PARD3: variants seen among roughly 807,000 people sequenced by gnomAD.
PARD3 encodes the protein par-3 family cell polarity regulator, also known as partitioning defective 3 homolog.
A neutral mutation model predicts 155.4 loss-of-function variants in PARD3; 75 were observed. That is an observed-to-expected ratio of 0.48 (90% CI 0.40 to 0.58). The LOEUF is 0.58. PARD3 is among the 20% of genes least tolerant of loss of function. The pLI is 0.00. For missense variants in PARD3, 1,642 were observed against 1,721.7 expected, an observed-to-expected ratio of 0.95 and a Z score of 0.82; for synonymous variants, 576 against 610.5, an observed-to-expected ratio of 0.94 and a Z score of 0.83.
intron 1 of PARD3, among the ~76,000 whole-genome samples, chr10:34,752,592 T>C (rs1403790616): frequency 6.6e-6 from 1 of 151,010 alleles, no homozygotes; most frequent in Admixed American, 6.6e-5. Flanking sequence ...AGACCAGCCA[T>C]GGCACTGTGA....
intron 19 of PARD3, among the ~76,000 whole-genome samples, chr10:34,321,524 C>T (rs1376046906): frequency 2.6e-5 from 4 of 152,146 alleles, no homozygotes; most frequent in Non-Finnish European, 5.9e-5. Flanking sequence ...CTGTTTAAAC[C>T]TGCTCTATGC....
Position 34,704,840 on chromosome 10 carries a change from C to A in PARD3, c.121-8421G>T, listed in dbSNP as rs377370158. The stretch of plus-strand genomic sequence containing the variant: ...TAGCATCCACCAACCAGATTAGCCA[C>A]ATGATAGTTAAGTTAACAAGACAAA... On this transcript the variant is annotated intron_variant, in intron 1 of 24. Coordinates refer to ENST00000374788, the MANE Select transcript of PARD3 (RefSeq NM_001184785.2). Among the ~76,000 whole-genome samples, 115 of 152,290 alleles carry A rather than the reference C, an allele frequency of 7.6e-4. No individual in the cohort carries two copies. The South Asian group carries it at 0.023, about 30-fold the overall frequency.
At chr10:34,597,507 C>T (rs1419720088) in intron 2 of PARD3, among the ~76,000 whole-genome samples, 1 of 152,056 alleles carries the variant, frequency 6.6e-6, no homozygotes, top group Non-Finnish European at 1.5e-5. Context: ...CAGCTCGCTG[C>T]ACCCTCCAAC....
intron 2 of PARD3, among the ~76,000 whole-genome samples, chr10:34,520,435 C>CA (rs926561289): frequency 2.8e-4 from 42 of 151,354 alleles, no homozygotes; most frequent in Non-Finnish European, 2.1e-4. Flanking sequence ...TTAATAGTTA[C>CA]AAAAAAAAGG....
chr10:34,554,437 G>T (rs976910353), intron 2 of PARD3, among the ~76,000 whole-genome samples: 1 of 152,160 alleles, frequency 6.6e-6, no homozygotes, highest in Non-Finnish European at 1.5e-5. Context: ...CTGAATGAGG[G>T]TAGCTTAAGA....
intron 2 of PARD3, among the ~76,000 whole-genome samples, chr10:34,687,435 C>G (rs1029880615): frequency 6.6e-6 from 1 of 152,118 alleles, no homozygotes; most frequent in Non-Finnish European, 1.5e-5. Context: ...CCTAGAAAAT[C>G]CCAAATTCTC....
intron 2 of PARD3, among the ~76,000 whole-genome samples, chr10:34,583,238 A>C (rs1362576129): frequency 6.6e-6 from 1 of 152,206 alleles, no homozygotes; most frequent in Admixed American, 6.5e-5. Context: ...TAATGCCATG[A>C]AATTTAAATC....
chr10:34,344,664 T>C, intron 15 of PARD3: 1 of 985,400 alleles, frequency 1.0e-6, no homozygotes, highest in Non-Finnish European at 1.2e-6. Context: ...AAGAATCCTA[T>C]GTAGGCAGCC....
intron 2 of PARD3, among the ~76,000 whole-genome samples, chr10:34,660,475 T>A (rs780644226): frequency 1.6e-4 from 25 of 152,094 alleles, no homozygotes; most frequent in Admixed American, 4.6e-4. Context: ...CTTACACAGA[T>A]GTATGTCACT....
At chr10:34,619,369 T>C (rs149014025) in intron 2 of PARD3, among the ~76,000 whole-genome samples, 81 of 152,240 alleles carry the variant, frequency 5.3e-4, no homozygotes, top group African/African-American at 1.8e-3. Flanking sequence ...ATAAAGTCTT[T>C]ACGGTGTAGC....
intron 19 of PARD3, among the ~76,000 whole-genome samples, chr10:34,320,994 T>G (rs1291547300): frequency 6.6e-6 from 1 of 152,226 alleles, no homozygotes; most frequent in East Asian, 1.9e-4. Context: ...TTATATATAC[T>G]TCAAATTCTG....
chr10:34,542,364 T>C (rs2083702264), intron 2 of PARD3, among the ~76,000 whole-genome samples: 1 of 152,136 alleles, frequency 6.6e-6, no homozygotes, highest in African/African-American at 2.4e-5. Context: ...GTGTGAGACA[T>C]ATTTGGTTGT....
chr10:34,761,766 CAAAG>C (rs1358266839), intron 1 of PARD3, among the ~76,000 whole-genome samples: 1 of 152,070 alleles, frequency 6.6e-6, no homozygotes, highest in Non-Finnish European at 1.5e-5. Flanking sequence ...TATACTTCTA[CAAAG>C]AAAGGGCTAT....
chr10:34,135,019 T>G (rs1947818048), intron 22 of PARD3, among the ~76,000 whole-genome samples: 1 of 152,186 alleles, frequency 6.6e-6, no homozygotes, highest in South Asian at 2.1e-4. Context: ...CAACTTATAT[T>G]TAGGTTCACT....
At chr10:34,677,232 G>C (rs562027245) in intron 2 of PARD3, among the ~76,000 whole-genome samples, 2 of 152,260 alleles carry the variant, frequency 1.3e-5, no homozygotes, top group East Asian at 3.9e-4. Context: ...TATAATCCCA[G>C]AACTTTGGGA....
intron 22 of PARD3, among the ~76,000 whole-genome samples, chr10:34,254,343 C>T (rs1248953200): frequency 6.6e-6 from 1 of 151,992 alleles, no homozygotes; most frequent in African/African-American, 2.4e-5. Context: ...CGCACCACTG[C>T]ACTCCAGCCT....
At chr10:34,686,151 TGTTACAAATGTA>T in intron 2 of PARD3, among the ~76,000 whole-genome samples, 1 of 152,224 alleles carries the variant, frequency 6.6e-6, no homozygotes, top group East Asian at 1.9e-4. Flanking sequence ...GAACTACAAT[TGTTACAAATGTA>T]GTATGTGAAG....
intron 1 of PARD3, among the ~76,000 whole-genome samples, chr10:34,764,103 G>A (rs1837794111): frequency 6.6e-6 from 1 of 152,170 alleles, no homozygotes; most frequent in East Asian, 1.9e-4. Flanking sequence ...TCACCGTCCT[G>A]CATGCTAGTT....
chr10:34,476,958 G>A (rs1002581246), intron 3 of PARD3, among the ~76,000 whole-genome samples: 3 of 152,144 alleles, frequency 2.0e-5, no homozygotes, highest in Non-Finnish European at 4.4e-5. Flanking sequence ...ACAACTGCCT[G>A]ATTCATCTAA....
Sources: gnomAD v4.1 joint callset for allele counts (sites outside exome capture counted in the v4.1 genomes callset) on GRCh38, gnomAD v4.1.1 for gene constraint, MANE v1.5 for transcripts, NCBI Gene and HGNC (gene_info 2026-07-23, HGNC 2026-07-21) for gene names.